Variants in SHISA9 observed in about 807,000 individuals in gnomAD.
SHISA9 encodes protein shisa-9.
Under a neutral mutation model 38.0 loss-of-function variants are expected in SHISA9, and 13 were observed. The observed-to-expected ratio is 0.34, with a 90% CI of 0.22 to 0.54. The LOEUF is 0.54. Ranked by LOEUF, SHISA9 falls within the 20% of genes least tolerant of loss-of-function variation. The pLI, the probability that SHISA9 is intolerant of heterozygous loss-of-function variation, is 0.91. For synonymous variants in SHISA9, 275 were observed against 242.0 expected (o/e 1.14, Z -1.27); for missense variants, 538 against 575.8 (o/e 0.93, Z 0.67).
chr16:13,199,807 C>T (rs377554389), intron 2 of SHISA9, among the ~76,000 whole-genome samples: 2 of 152,160 alleles, frequency 1.3e-5, no homozygotes, highest in African/African-American at 4.8e-5. Context: ...TTGATTCAGG[C>T]TCCATGCTCG....
the SHISA9 span, among the ~76,000 whole-genome samples, chr16:13,462,403 C>T: frequency 1.2e-4 from 18 of 152,206 alleles, no homozygotes; most frequent in Non-Finnish European, 2.4e-4. Context: ...ATACAGAGGC[C>T]TGAAGAAAAC....
the SHISA9 span, among the ~76,000 whole-genome samples, chr16:13,521,113 C>T: frequency 6.6e-6 from 1 of 152,168 alleles, no homozygotes; most frequent in Non-Finnish European, 1.5e-5. Flanking sequence ...CAGTGAAGAG[C>T]AGCTTCCAGG....
chr16:13,228,848 CCT>C (rs1288824476), intron 4 of SHISA9, among the ~76,000 whole-genome samples: 6 of 152,032 alleles, frequency 3.9e-5, no homozygotes, highest in Non-Finnish European at 8.8e-5. Context: ...CTCCCTCTTC[CCT>C]CTCTCATCAT....
chr16:13,169,796 C>G (rs1327519005), intron 2 of SHISA9, among the ~76,000 whole-genome samples: 1 of 152,086 alleles, frequency 6.6e-6, no homozygotes, highest in Admixed American at 6.5e-5. Context: ...GCTCTGTGTC[C>G]CAGCTTCGGA....
chr16:13,331,111 G>A, the SHISA9 span, among the ~76,000 whole-genome samples: 1 of 152,138 alleles, frequency 6.6e-6, no homozygotes, highest in Admixed American at 6.5e-5. Context: ...TAAGGAGGTG[G>A]ATAAAAGGCT....
chr16:13,327,213 G>A, the SHISA9 span, among the ~76,000 whole-genome samples: 1 of 152,156 alleles, frequency 6.6e-6, no homozygotes, highest in Admixed American at 6.5e-5. Flanking sequence ...CACTAGAAGT[G>A]TAAGCATGTC....
intron 2 of SHISA9, among the ~76,000 whole-genome samples, chr16:13,016,574 T>C (rs2072760190): frequency 6.6e-6 from 1 of 152,218 alleles, no homozygotes; most frequent in Non-Finnish European, 1.5e-5. Context: ...TTTGTTGTTG[T>C]TGTTGTTGTT....
chr16:13,003,052 C>T (rs965053498), intron 2 of SHISA9, among the ~76,000 whole-genome samples: 12 of 152,090 alleles, frequency 7.9e-5, no homozygotes, highest in Non-Finnish European at 1.6e-4. Context: ...TGGTGTTGGC[C>T]AGGGGAGCAC....
the SHISA9 span, among the ~76,000 whole-genome samples, chr16:13,546,849 G>A: frequency 6.6e-6 from 1 of 152,172 alleles, no homozygotes; most frequent in African/African-American, 2.4e-5. Context: ...TAAAATATTT[G>A]CTATCAGGCC....
intron 2 of SHISA9, among the ~76,000 whole-genome samples, chr16:13,110,634 C>A (rs775101005): frequency 1.3e-5 from 2 of 152,234 alleles, no homozygotes; most frequent in South Asian, 4.1e-4. Flanking sequence ...GCTGGAGACT[C>A]GGAAACAGTC....
chr16:13,109,574 T>C (rs1249991306), intron 2 of SHISA9, among the ~76,000 whole-genome samples: 1 of 152,212 alleles, frequency 6.6e-6, no homozygotes, highest in Non-Finnish European at 1.5e-5. Flanking sequence ...ATTTTAAGTA[T>C]ACAATTCAAT....
In SHISA9 at chr16:13,192,448, G is replaced by A. The variant is rs373055605; in HGVS notation, c.692-10946G>A. On this transcript the variant is annotated intron_variant, in intron 2 of 4. Coordinates refer to ENST00000558583, the MANE Select transcript of SHISA9 (RefSeq NM_001145204.3). ...GTAAGTGGTATAAGAGCTGGGAATC[G>A]TTAACCAAGCACAATGCCTGGAACA... Among the ~76,000 whole-genome samples, 81 of 152,146 alleles carry A rather than the reference G, an allele frequency of 5.3e-4. 2 individuals are homozygous for A. Among genetic ancestry groups the A allele is most frequent in the African/African-American group, 1.6e-3 (65 of 41,514 alleles).
the SHISA9 span, among the ~76,000 whole-genome samples, chr16:13,261,470 T>C: frequency 4.7e-4 from 71 of 152,236 alleles, no homozygotes; most frequent in Middle Eastern, 3.4e-3. Flanking sequence ...AGCTGGTAAG[T>C]ATCAGGGTCC....
intron 1 of SHISA9, among the ~76,000 whole-genome samples, chr16:12,903,800 C>T (rs2071056038): frequency 6.6e-6 from 1 of 152,122 alleles, no homozygotes; most frequent in East Asian, 1.9e-4. Context: ...TGCCGGGGGC[C>T]TGTGTGTGTG....
chr16:13,468,026 T>C, the SHISA9 span, among the ~76,000 whole-genome samples: 57 of 152,306 alleles, frequency 3.7e-4, no homozygotes, highest in African/African-American at 1.3e-3. Context: ...ACAACAAAAC[T>C]CATCTCAGTC....
the SHISA9 span, among the ~76,000 whole-genome samples, chr16:13,342,406 A>C: frequency 2.0e-5 from 3 of 151,768 alleles, no homozygotes; most frequent in Non-Finnish European, 2.9e-5. Flanking sequence ...TCCTGCCTCA[A>C]CCTCCCCAGT....
chr16:13,217,012 C>T (rs1391593190), intron 4 of SHISA9, among the ~76,000 whole-genome samples: 1 of 152,134 alleles, frequency 6.6e-6, no homozygotes, highest in Non-Finnish European at 1.5e-5. Context: ...TGGCTCACGC[C>T]TGTAATCCCA....
At chr16:13,445,366 A>G in the SHISA9 span, among the ~76,000 whole-genome samples, 1 of 152,184 alleles carries the variant, frequency 6.6e-6, no homozygotes, top group African/African-American at 2.4e-5. Context: ...TTAGATGTTA[A>G]GCTTTGTGGA....
chr16:13,520,603 CAAAAA>C, the SHISA9 span, among the ~76,000 whole-genome samples: 1 of 56,230 alleles, frequency 1.8e-5, no homozygotes. Flanking sequence ...AACTCTGTCT[CAAAAA>C]AAAAAAAAAA....
Sources: gnomAD v4.1 joint callset for allele counts (sites outside exome capture counted in the v4.1 genomes callset) on GRCh38, gnomAD v4.1.1 for gene constraint, MANE v1.5 for transcripts, NCBI Gene and HGNC (gene_info 2026-07-23, HGNC 2026-07-21) for gene names.